Variants in JHY observed in about 807,000 individuals in gnomAD.
JHY encodes the protein jhy protein homolog.
A neutral mutation model predicts 78.0 loss-of-function variants in JHY; 69 were observed. The observed-to-expected ratio is 0.88, with a 90% confidence interval of 0.73 to 1.08. JHY has a LOEUF of 1.08. Among genes scored for constraint, JHY ranks in the 50% least tolerant of loss-of-function variants. The pLI is 0.00. For synonymous variants in JHY, 368 were observed against 342.6 expected, an observed-to-expected ratio of 1.07 and a Z score of -0.82; for missense variants, 944 against 927.8, an observed-to-expected ratio of 1.02 and a Z score of -0.23.
Position 122,934,981 on chromosome 11 carries a change from G to A in JHY, c.1540G>A (p.Val514Ile). Residue 514 changes from valine to isoleucine, a missense_variant, in exon 5 of 9, where the codon GTT (valine) becomes ATT (isoleucine). Coordinates refer to ENST00000227349, the MANE Select transcript of JHY (RefSeq NM_024806.4). ...VLLSQKGSQF[V>I]YHINTHGSTK... is the part of the protein sequence containing the mutation. ...CCTGAGCCAGAAAGGCTCTCAGTTT[G>A]TTTATCACATAAATACTCATGGATC... The A allele has an allele frequency of 6.2e-7, 1 of 1,613,882 alleles. No homozygotes were observed. The highest frequency in any genetic ancestry group is 8.5e-7 in the Non-Finnish European group (1 of 1,179,942).
chr11:122,913,129 A>G (rs1863166232), intron 3 of JHY, among the ~76,000 whole-genome samples: 1 of 152,168 alleles, frequency 6.6e-6, no homozygotes, highest in African/African-American at 2.4e-5. Flanking sequence ...TGAGACTCTC[A>G]AAAGACTGCC....
intron 3 of JHY, chr11:122,905,274 C>CA (rs1475299476): frequency 6.2e-7 from 1 of 1,613,470 alleles, no homozygotes; most frequent in Non-Finnish European, 8.5e-7. Context: ...CCTTCCTGCC[C>CA]ACCTCCTATG....
chr11:122,919,474 G>C (rs1480794279), intron 3 of JHY, among the ~76,000 whole-genome samples: 2 of 151,898 alleles, frequency 1.3e-5, no homozygotes, highest in African/African-American at 2.4e-5. Context: ...TGGCGCATCA[G>C]CGAAACTGAA....
At position 122,934,621 on chromosome 11, in the gene JHY, C is replaced by A; in HGVS notation, c.1180C>A (p.Pro394Thr). 5.6e-6 allele frequency: 9 copies of A among 1,614,056 alleles called. No individual in the cohort carries two copies. The highest frequency in any genetic ancestry group is 7.6e-6 in the Non-Finnish European group (9 of 1,180,016). Residue 394 changes from proline (P) to threonine (T), a missense_variant, in exon 5 of 9, where the codon CCT becomes ACT. Transcript: ENST00000227349. ...TGCCAGTCAGGGGAACCAGAATAAC[C>A]CTCCCAGGCAGCAACAAAACCAAAA... ...VTASQGNQNN[P>T]PRQQQNQNKP...
chr11:122,949,874 T>C (rs1470687256), intron 6 of JHY, among the ~76,000 whole-genome samples: 1 of 149,958 alleles, frequency 6.7e-6, no homozygotes, highest in Non-Finnish European at 1.5e-5. Flanking sequence ...TCTCGCTTCA[T>C]CGCCCAGGCT....
intron 2 of JHY, among the ~76,000 whole-genome samples, chr11:122,893,326 G>A (rs76230634): frequency 2.0e-4 from 30 of 152,260 alleles, no homozygotes; most frequent in African/African-American, 6.7e-4. Flanking sequence ...TGGTGCCATC[G>A]TAACAGATGA....
intron 3 of JHY, among the ~76,000 whole-genome samples, chr11:122,924,261 A>G (rs1423603498): frequency 2.0e-5 from 3 of 152,118 alleles, no homozygotes; most frequent in Middle Eastern, 3.2e-3. Flanking sequence ...GGTCTAGGAT[A>G]TTTCTAATAA....
chr11:122,922,361 G>A (rs1863385296), intron 3 of JHY, among the ~76,000 whole-genome samples: 1 of 152,190 alleles, frequency 6.6e-6, no homozygotes, highest in Admixed American at 6.5e-5. Flanking sequence ...GGTTACACCT[G>A]AAATAAAAGA....
At chr11:122,920,094 C>A (rs114653106) in intron 3 of JHY, among the ~76,000 whole-genome samples, 2,566 of 152,260 alleles carry the variant, frequency 0.017, 80 homozygotes, top group African/African-American at 0.057. Context: ...CTGGCTGTGT[C>A]TAAACACAGG....
At chr11:122,919,459 G>C (rs1863311025) in intron 3 of JHY, among the ~76,000 whole-genome samples, 1 of 151,776 alleles carries the variant, frequency 6.6e-6, no homozygotes, top group Non-Finnish European at 1.5e-5. Context: ...AGACAATGGT[G>C]CCCCTGGCGC....
At chr11:122,924,331 C>T (rs938296275) in intron 3 of JHY, among the ~76,000 whole-genome samples, 3 of 152,154 alleles carry the variant, frequency 2.0e-5, no homozygotes, top group Admixed American at 6.5e-5. Flanking sequence ...AGCTCTACTA[C>T]TTACTAGCTG....
intron 2 of JHY, among the ~76,000 whole-genome samples, chr11:122,897,276 G>A (rs1862758539): frequency 6.6e-6 from 1 of 151,846 alleles, no homozygotes. Flanking sequence ...CCAAGCTGGA[G>A]TGCAGTGGCA....
At chr11:122,945,265 C>T (rs534592163) in intron 5 of JHY, among the ~76,000 whole-genome samples, 1 of 152,312 alleles carries the variant, frequency 6.6e-6, no homozygotes, top group Non-Finnish European at 1.5e-5. Context: ...AACATATGCT[C>T]TTTAATGTAT....
chr11:122,923,842 G>A (rs896523449), intron 3 of JHY, among the ~76,000 whole-genome samples: 6 of 150,140 alleles, frequency 4.0e-5, no homozygotes, highest in South Asian at 2.1e-4. Flanking sequence ...TCAGCCTTCC[G>A]AGTAGCTGGG....
chr11:122,885,543 G>C (rs1432228568), intron 1 of JHY, among the ~76,000 whole-genome samples: 1 of 152,080 alleles, frequency 6.6e-6, no homozygotes, highest in Non-Finnish European at 1.5e-5. Flanking sequence ...AACTGCATTC[G>C]ATTACTCAGG....
At chr11:122,895,698 A>G (rs1398623664) in intron 2 of JHY, among the ~76,000 whole-genome samples, 1 of 152,174 alleles carries the variant, frequency 6.6e-6, no homozygotes, top group Non-Finnish European at 1.5e-5. Flanking sequence ...TTGTGTACTC[A>G]TTTTCTGTGT....
chr11:122,963,850 G>C lies in JHY; in HGVS notation c.*4405G>C, dbSNP rs908083215. Among the ~76,000 whole-genome samples, 2 of 151,806 alleles carry C rather than the reference G, an allele frequency of 1.3e-5. No homozygotes were observed. Among genetic ancestry groups the C allele is most frequent in the African/African-American group, 4.8e-5 (2 of 41,336 alleles). On this transcript the variant is annotated 3_prime_UTR_variant, in exon 9 of 9. Transcript: ENST00000227349. ...TGTCTATAAACTGGTGCAAATAAAA[G>C]ACATTTAAACCATGTATTCTCTCTT...
intron 5 of JHY, among the ~76,000 whole-genome samples, chr11:122,938,764 A>G (rs1863809205): frequency 6.6e-6 from 1 of 151,448 alleles, no homozygotes; most frequent in African/African-American, 2.4e-5. Context: ...TTGAGTGCCT[A>G]TAGAATGATC....
chr11:122,901,397 A>T lies in JHY; in HGVS notation c.345-2528A>T, dbSNP rs1176970089. ...CTTAGACTCCTCTAAATTTATTTTT[A>T]AAAATATTTCTTCATTAATAAATTG... On this transcript the variant is annotated intron_variant, in intron 2 of 8. Coordinates refer to ENST00000227349, the MANE Select transcript of JHY (RefSeq NM_024806.4). Among the ~76,000 whole-genome samples the T allele has an allele frequency of 9.2e-5, 14 of 152,292 alleles. 1 individual carries two copies. The highest frequency in any genetic ancestry group is 8.3e-4 in the South Asian group (4 of 4,822).
Sources: allele counts gnomAD v4.1 joint callset (sites outside exome capture counted in the v4.1 genomes callset), GRCh38; gene constraint gnomAD v4.1.1; transcripts MANE v1.5; gene names NCBI Gene and HGNC (gene_info 2026-07-23, HGNC 2026-07-21).